FXYD5: variants seen among roughly 807,000 people sequenced by gnomAD.
FXYD5 encodes the protein FXYD domain containing ion transport regulator 5.
A neutral mutation model predicts 25.7 loss-of-function variants in FXYD5; 21 were observed. That is an observed-to-expected ratio of 0.82 (90% CI 0.58 to 1.18). FXYD5 has a LOEUF of 1.18. Among genes scored for constraint, FXYD5 ranks in the 50% most tolerant of loss-of-function variants. The pLI, the probability that FXYD5 is intolerant of heterozygous loss-of-function variation, is 0.00. For missense variants in FXYD5, 229 were observed against 227.7 expected (o/e 1.01, Z -0.04); for synonymous variants, 101 against 90.7 (o/e 1.11, Z -0.64).
intron 8 of FXYD5, chr19:35,166,547 A>G: frequency 2.1e-6 from 1 of 473,132 alleles, no homozygotes; most frequent in Non-Finnish European, 3.7e-6. Context: ...CAGCTGGGTG[A>G]TTCTTCTGGT....
intron 4 of FXYD5, among the ~76,000 whole-genome samples, chr19:35,159,091 C>A (rs1442266112): frequency 6.6e-6 from 1 of 150,838 alleles, no homozygotes; most frequent in African/African-American, 2.4e-5. Context: ...CTTGCCACTG[C>A]ACTCCAGCCT....
At chr19:35,165,037 C>T (rs780326998) in intron 6 of FXYD5, among the ~76,000 whole-genome samples, 1 of 152,122 alleles carries the variant, frequency 6.6e-6, no homozygotes, top group Non-Finnish European at 1.5e-5. Context: ...GTTCAACTTT[C>T]CTGACCCAAA....
At position 35,160,817 on chromosome 19, in the gene FXYD5, G is replaced by C. The variant is rs757882591; in HGVS notation, c.292+16G>C. ...ACCAAAGCAGGTATAGCATGGGACTGAGAGCAGCAGCCTACGATTTTTGTT... is the reference window on the plus strand; with the variant it reads ...ACCAAAGCAGGTATAGCATGGGACTCAGAGCAGCAGCCTACGATTTTTGTT... On this transcript the variant is annotated intron_variant, in intron 5 of 8. Coordinates refer to ENST00000392219, the MANE Select transcript of FXYD5 (RefSeq NM_014164.6). 2 of 1,510,868 alleles carry C rather than the reference G, an allele frequency of 1.3e-6. No homozygotes were observed. Among genetic ancestry groups the C allele is most frequent in the South Asian group, 2.2e-5 (2 of 89,038 alleles). 93.6% of individuals were successfully genotyped at this position (1,510,868 alleles called of 1,614,324 possible).
chr19:35,169,729 G>T lies in FXYD5; in HGVS notation c.*114G>T, dbSNP rs1356742070. 11 of 726,720 alleles carry T rather than the reference G, an allele frequency of 1.5e-5. No homozygotes were observed. In the African/African-American group the frequency reaches 1.9e-4, roughly 13 times the overall value. 45.0% of individuals were successfully genotyped at this position (726,720 alleles called of 1,614,324 possible). ...TCGAAGAGCCTGGCCAGAGAGGGAA[G>T]ACACAGATGATGAAGCTGGAGCCAG... On this transcript the variant is annotated 3_prime_UTR_variant, in exon 9 of 9. Coordinates refer to ENST00000392219, the MANE Select transcript of FXYD5 (RefSeq NM_014164.6).
intron 2 of FXYD5, among the ~76,000 whole-genome samples, chr19:35,155,940 G>A (rs1193985931): frequency 6.6e-6 from 1 of 152,218 alleles, no homozygotes; most frequent in African/African-American, 2.4e-5. Context: ...GGAAACCTAG[G>A]CTCCCAGAGT....
chr19:35,168,530 G>T (rs920288859), intron 8 of FXYD5, among the ~76,000 whole-genome samples: 1 of 152,150 alleles, frequency 6.6e-6, no homozygotes, highest in African/African-American at 2.4e-5. Flanking sequence ...AGGGTAGGTT[G>T]GGGGAGAGGA....
At position 35,155,648 on chromosome 19, in the gene FXYD5, C is replaced by T. The variant is rs377315579; in HGVS notation, c.61+37C>T. On this transcript the variant is annotated intron_variant, in intron 2 of 8. Coordinates refer to ENST00000392219, the MANE Select transcript of FXYD5 (RefSeq NM_014164.6). ...CTCTGGCCTCCACCCTGCCCCAGAG[C>T]CCCCAGCCAGGCCAGCCCCACGTGT... is the stretch of plus-strand genomic sequence containing the variant. 29 of 1,499,742 alleles carry T rather than the reference C, an allele frequency of 1.9e-5. No individual in the cohort carries two copies. The East Asian group carries it at 4.3e-4, about 22-fold the overall frequency. The allele number at this position is 1,499,742 out of a possible 1,614,324, so 92.9% of individuals were successfully genotyped here.
At chr19:35,169,439 T>C in intron 8 of FXYD5, 127 bp from the exon 9 acceptor site, 1 of 698,232 alleles carries the variant, frequency 1.4e-6, no homozygotes, top group Admixed American at 2.2e-5. Context: ...CTCCATCATT[T>C]GTTTATGGAG....
intron 5 of FXYD5, among the ~76,000 whole-genome samples, chr19:35,161,833 C>T (rs2065408881): frequency 6.6e-6 from 1 of 152,228 alleles, no homozygotes. Context: ...GAGACATGTA[C>T]AGTTGTGCAG....
chr19:35,164,153 C>T lies in FXYD5; in HGVS notation c.293-3C>T. On this transcript the variant is annotated splice_polypyrimidine_tract_variant and splice_region_variant and intron_variant, in intron 5 of 8. Coordinates refer to ENST00000392219, the MANE Select transcript of FXYD5 (RefSeq NM_014164.6). ...CCCTCCACTGATCTGGCCACTCTCT[C>T]AGCTCATCCCACTGATGACACCACG... 1 of 1,613,754 alleles carries T rather than the reference C, an allele frequency of 6.2e-7. No individual in the cohort carries two copies. Among genetic ancestry groups the T allele is most frequent in the Non-Finnish European group, 8.5e-7 (1 of 1,179,942 alleles).
chr19:35,166,474 G>A, intron 8 of FXYD5, 149 bp downstream of exon 8: 1 of 576,850 alleles, frequency 1.7e-6, no homozygotes, highest in Non-Finnish European at 3.1e-6. Flanking sequence ...AGAATTCAGT[G>A]GTTTAAAATA....
chr19:35,163,971 C>T, intron 5 of FXYD5, 185 bp from the exon 6 acceptor site: 1 of 1,471,168 alleles, frequency 6.8e-7, no homozygotes, highest in Non-Finnish European at 9.0e-7. Context: ...GTGCTTATTT[C>T]AGCATTTCAA....
intron 6 of FXYD5, among the ~76,000 whole-genome samples, chr19:35,164,924 G>A (rs1022885731): frequency 3.3e-5 from 5 of 152,232 alleles, no homozygotes; most frequent in Non-Finnish European, 7.3e-5. Flanking sequence ...AGTAGGGTTA[G>A]AGAGTGACTG....
chr19:35,162,735 A>T (rs535106423), intron 5 of FXYD5, among the ~76,000 whole-genome samples: 3 of 152,250 alleles, frequency 2.0e-5, no homozygotes, highest in African/African-American at 7.2e-5. Context: ...CCTAGCTGTC[A>T]CTCAATATCC....
chr19:35,162,711 T>G (rs998778813), intron 5 of FXYD5, among the ~76,000 whole-genome samples: 1 of 152,190 alleles, frequency 6.6e-6, no homozygotes, highest in Non-Finnish European at 1.5e-5. Flanking sequence ...GTGGATAGAA[T>G]TCAGTCTATA....
chr19:35,165,482 G>A (rs560957578), intron 6 of FXYD5, among the ~76,000 whole-genome samples: 57 of 152,212 alleles, frequency 3.7e-4, no homozygotes, highest in African/African-American at 1.3e-3. Flanking sequence ...TGAGCTGTGA[G>A]GATGACCAGA....
In FXYD5 at chr19:35,169,622, C is replaced by T. The variant is rs201779969; in HGVS notation, c.*7C>T. ...CCGGAATCGTTGCAGGTGAGTCCATCAGAAACAGGAGCTGACAACCTGCTG... is the reference window on the plus strand; with the variant it reads ...CCGGAATCGTTGCAGGTGAGTCCATTAGAAACAGGAGCTGACAACCTGCTG... On this transcript the variant is annotated 3_prime_UTR_variant, in exon 9 of 9. Coordinates refer to ENST00000392219, the MANE Select transcript of FXYD5 (RefSeq NM_014164.6). The T allele has an allele frequency of 6.2e-7, 1 of 1,600,926 alleles. No homozygotes were observed. Among genetic ancestry groups the T allele is most frequent in the Admixed American group, 1.7e-5 (1 of 60,006 alleles).
chr19:35,155,764 C>T (rs926203688), intron 2 of FXYD5, among the ~76,000 whole-genome samples, 153 bp downstream of exon 2: 6 of 152,202 alleles, frequency 3.9e-5, no homozygotes, highest in South Asian at 2.1e-4. Flanking sequence ...ATCCCTATGG[C>T]GGGGCGACGT....
chr19:35,169,489 G>T, intron 8 of FXYD5, 77 bp from the exon 9 acceptor site: 3 of 1,094,016 alleles, frequency 2.7e-6, no homozygotes, highest in Non-Finnish European at 4.3e-6. Context: ...TGATCAATCT[G>T]GTTCCCCAGC....
Sources: gnomAD v4.1 joint callset for allele counts (sites outside exome capture counted in the v4.1 genomes callset) on GRCh38, gnomAD v4.1.1 for gene constraint, MANE v1.5 for transcripts, NCBI Gene and HGNC (gene_info 2026-07-23, HGNC 2026-07-21) for gene names.